The following ATL2 variants were observed in gnomAD, a reference collection of about 807,000 sequenced individuals.
ATL2 encodes the protein atlastin GTPase 2, also known as atlastin-2.
ATL2 carries 31 observed loss-of-function variants against 73.9 expected under a neutral mutation model. The observed-to-expected ratio is 0.42, with a 90% CI of 0.32 to 0.57. ATL2 has a LOEUF of 0.57. Ranked by LOEUF, ATL2 falls within the 20% of genes least tolerant of loss-of-function variation. The pLI, the probability that ATL2 is intolerant of heterozygous loss-of-function variation, is 0.14. For missense variants in ATL2, 738 were observed against 702.6 expected, an observed-to-expected ratio of 1.05 and a Z score of -0.57; for synonymous variants, 291 against 237.5, an observed-to-expected ratio of 1.23 and a Z score of -2.07.
In ATL2 at chr2:38,298,488, G is replaced by A. The variant is rs780577030; in HGVS notation, c.1288C>T (p.Arg430Cys). 18 of 1,614,008 alleles carry A rather than the reference G, an allele frequency of 1.1e-5. No individual in the cohort carries two copies. Among genetic ancestry groups the A allele is most frequent in the East Asian group, 4.5e-5 (2 of 44,894 alleles). Residue 430 changes from arginine (R) to cysteine (C), a missense_variant, in exon 12 of 13, where the codon CGT (arginine) becomes TGT (cysteine). By Grantham distance (180) the Arg-to-Cys change is radical. Transcript: ENST00000378954. Reference sequence around the variant, plus strand: ...TCTCCACCCATCTTTTTTACTGAACGAAATTGTTTTATCGCCACTTCCTTG... The same window carrying A: ...TCTCCACCCATCTTTTTTACTGAACAAAATTGTTTTATCGCCACTTCCTTG... ...DLKEVAIKQF[R>C]SVKKMGGDEF... is the part of the protein sequence containing the mutation.
intron 5 of ATL2, among the ~76,000 whole-genome samples, chr2:38,314,984 C>CG: frequency 6.6e-6 from 1 of 152,220 alleles, no homozygotes; most frequent in Non-Finnish European, 1.5e-5. Context: ...GGCGCAGCGG[C>CG]TCACGCCGGG....
chr2:38,367,966 G>C (rs13003834), intron 1 of ATL2, among the ~76,000 whole-genome samples: 1 of 133,956 alleles, frequency 7.5e-6, no homozygotes, highest in African/African-American at 2.9e-5. Flanking sequence ...GAGGAGTCTC[G>C]CTCTCTCTCC....
At chr2:38,330,044 G>A (rs1046450274) in intron 2 of ATL2, among the ~76,000 whole-genome samples, 22 of 151,772 alleles carry the variant, frequency 1.4e-4, no homozygotes, top group Admixed American at 3.9e-4. Flanking sequence ...CAGGAGAATC[G>A]CTTAAACCCA....
chr2:38,355,990 C>T (rs1054105259), intron 1 of ATL2, among the ~76,000 whole-genome samples: 65 of 151,874 alleles, frequency 4.3e-4, no homozygotes, highest in African/African-American at 1.5e-3. Flanking sequence ...AGCCACCATG[C>T]CTGGCCACAT....
In ATL2 at chr2:38,339,742, G is replaced by C. The variant is rs76538536; in HGVS notation, c.363+3526C>G. ...TTTTTCTCTTGTTGCCCAGGTTAGA[G>C]TATGATGGCACAATCTCGGCTCACT... On this transcript the variant is annotated intron_variant, in intron 2 of 12. Transcript: ENST00000378954. Among the ~76,000 whole-genome samples, 1,050 of 152,204 alleles carry C rather than the reference G, an allele frequency of 6.9e-3. 13 individuals are homozygous for C. Among genetic ancestry groups the C allele is most frequent in the East Asian group, 0.058 (299 of 5,174 alleles).
Position 38,343,479 on chromosome 2 carries a change from G to T in ATL2, c.152C>A (p.Ser51Tyr). 5 of 1,607,510 alleles carry T rather than the reference G, an allele frequency of 3.1e-6. No individual in the cohort carries two copies. Among genetic ancestry groups the T allele is most frequent in the East Asian group, 2.2e-5 (1 of 44,802 alleles). The change falls in exon 2 of 13, where the codon TCT becomes TAT. Residue 51 changes from serine to tyrosine, a missense_variant. Ser to Tyr is a moderately radical substitution (Grantham distance 144, BLOSUM62 -2). Transcript: ENST00000378954. ...ENYEDDDLVN[S>Y]DEVMKKPCPV... ...ACATGGTTTCTTCATAACCTCATCA[G>T]AATTTACTAGGTCATCATCTTCATA...
At chr2:38,357,696 T>G (rs1670759587) in intron 1 of ATL2, among the ~76,000 whole-genome samples, 1 of 151,390 alleles carries the variant, frequency 6.6e-6, no homozygotes. Context: ...TTTTTTATAT[T>G]GGGGAGGAAA....
At chr2:38,328,711 T>C (rs1216238396) in intron 2 of ATL2, among the ~76,000 whole-genome samples, 2 of 152,108 alleles carry the variant, frequency 1.3e-5, no homozygotes, top group Non-Finnish European at 2.9e-5. Context: ...ATTAGATGCA[T>C]ACAGTAGGAA....
At chr2:38,299,166 C>T in intron 11 of ATL2, 90 bp downstream of exon 11, 3 of 1,246,288 alleles carry the variant, frequency 2.4e-6, no homozygotes, top group Non-Finnish European at 2.1e-6. Context: ...CACAAATTCG[C>T]TCAATTATTT....
rs751607211 is a variant in ATL2 at position 38,300,365 on chromosome 2, T to C, written c.1072-37A>G. Reference sequence around the variant, plus strand: ...GAAGATTTGTTAGACTGACGGATTATGCAATTTGGCTCCACATCCCCAAAG... The same window carrying C: ...GAAGATTTGTTAGACTGACGGATTACGCAATTTGGCTCCACATCCCCAAAG... On this transcript the variant is annotated intron_variant, in intron 9 of 12. Coordinates refer to ENST00000378954, the MANE Select transcript of ATL2 (RefSeq NM_001135673.4). The C allele has an allele frequency of 2.4e-5, 36 of 1,499,804 alleles. No individual in the cohort carries two copies. The Admixed American group carries it at 5.4e-4, about 23-fold the overall frequency. 92.9% of individuals were successfully genotyped at this position (1,499,804 alleles called of 1,614,324 possible). A position where few individuals can be genotyped will look rare whatever the true frequency, so the allele number is the denominator to read the frequency against.
rs35089431 is a variant in ATL2 at position 38,363,370 on chromosome 2, T to TGGGG, written c.118+13769_118+13772dup. 1.2e-4 allele frequency among the ~76,000 whole-genome samples: 14 copies of TGGGG among 120,542 alleles called. No homozygotes were observed. The East Asian group carries it at 2.7e-3, about 23-fold the overall frequency. The allele number at this position is 120,542 out of a possible 152,430, so 79.1% of individuals were successfully genotyped here. A position where few individuals can be genotyped will look rare whatever the true frequency, so the allele number is the denominator to read the frequency against. On this transcript the variant is annotated intron_variant, in intron 1 of 12. Coordinates refer to ENST00000378954, the MANE Select transcript of ATL2 (RefSeq NM_001135673.4). ...AAATACAAGTTGTTTATTAAAAAGG[T>TGGGG]GGGGGGGGGGGTTATTTATCATCTT... is the stretch of plus-strand genomic sequence containing the variant.
chr2:38,327,391 G>A (rs968365091), intron 2 of ATL2, among the ~76,000 whole-genome samples: 1 of 152,000 alleles, frequency 6.6e-6, no homozygotes, highest in South Asian at 2.1e-4. Context: ...ACTTAGCTTA[G>A]TTGTAAATGT....
At chr2:38,377,316 T>C, upstream of ATL2, 1 of 1,454,408 alleles carries the variant, frequency 6.9e-7, no homozygotes, top group Non-Finnish European at 9.2e-7. Context: ...CGCCGCTTTA[T>C]CAACCTCCCG....
At chr2:38,357,555 G>A (rs1670743279) in intron 1 of ATL2, among the ~76,000 whole-genome samples, 2 of 149,464 alleles carry the variant, frequency 1.3e-5, no homozygotes, top group Non-Finnish European at 2.9e-5. Flanking sequence ...AGGAGGCTGA[G>A]GCAGAAGAAT....
chr2:38,299,113 A>G lies in ATL2; in HGVS notation c.1200+143T>C, dbSNP rs545803216. 9 of 676,784 alleles carry G rather than the reference A, an allele frequency of 1.3e-5. No individual in the cohort carries two copies. The East Asian group carries it at 2.9e-4, about 22-fold the overall frequency. The allele number at this position is 676,784 out of a possible 1,614,324, so 41.9% of individuals were successfully genotyped here. On this transcript the variant is annotated intron_variant, in intron 11 of 12. Transcript: ENST00000378954. ...TATTTTCTTATAGTTTATTTCCAGC[A>G]AAGACCATAAAGGGGAATTAGGGAA... is the stretch of plus-strand genomic sequence containing the variant.
chr2:38,372,671 C>T (rs2124504793), intron 1 of ATL2, among the ~76,000 whole-genome samples: 1 of 152,310 alleles, frequency 6.6e-6, no homozygotes, highest in South Asian at 2.1e-4. Context: ...CATGAATGAT[C>T]ACATCTTATG....
chr2:38,335,632 C>A (rs983790239), intron 2 of ATL2, among the ~76,000 whole-genome samples: 4 of 152,112 alleles, frequency 2.6e-5, no homozygotes, highest in Non-Finnish European at 4.4e-5. Flanking sequence ...TCCTAGAATG[C>A]AGGAAATGCT....
At chr2:38,373,144 G>A (rs1312495964) in intron 1 of ATL2, among the ~76,000 whole-genome samples, 3 of 152,162 alleles carry the variant, frequency 2.0e-5, no homozygotes. Context: ...TCCAGGCTCT[G>A]AGAGCTTAAG....
intron 1 of ATL2, among the ~76,000 whole-genome samples, chr2:38,344,922 T>C (rs540204349): frequency 6.6e-6 from 1 of 152,282 alleles, no homozygotes; most frequent in South Asian, 2.1e-4. Context: ...CCACAACACA[T>C]TAAAATAAGG....
Sources: allele counts gnomAD v4.1 joint callset (sites outside exome capture counted in the v4.1 genomes callset), GRCh38; gene constraint gnomAD v4.1.1; transcripts MANE v1.5; gene names NCBI Gene and HGNC (gene_info 2026-07-23, HGNC 2026-07-21).